The following STX7 variants were observed in gnomAD, a reference collection of about 807,000 sequenced individuals.
STX7 encodes the protein syntaxin 7.
A neutral mutation model predicts 39.6 loss-of-function variants in STX7; 34 were observed. The observed-to-expected ratio is 0.86, with a 90% CI of 0.65 to 1.14. The LOEUF (loss-of-function observed/expected upper bound fraction) is 1.14. Among genes scored for constraint, STX7 ranks in the 50% most tolerant of loss-of-function variants. STX7 has a pLI of 0.00. For missense variants in STX7, 284 were observed against 310.4 expected, an observed-to-expected ratio of 0.92 and a Z score of 0.64; for synonymous variants, 119 against 99.1, an observed-to-expected ratio of 1.20 and a Z score of -1.19.
rs1182363881 is a variant in STX7 at position 132,453,186 on chromosome 6, T to C, written c.*7572A>G. The stretch of plus-strand genomic sequence containing the variant: ...CAAATATCATGTTGGAGTAATTGAA[T>C]ATCCATAGGCAACAACAAAAAAAAT... On this transcript the variant is annotated 3_prime_UTR_variant, in exon 10 of 10. Transcript: ENST00000367941. 6.6e-6 allele frequency: 1 copy of C among 152,094 alleles called. No homozygotes were observed. Among genetic ancestry groups the C allele is most frequent in the Admixed American group, 6.5e-5 (1 of 15,270 alleles). The allele number at this position is 152,094 out of a possible 1,614,324, so 9.4% of individuals were successfully genotyped here.
rs1365969215 is a variant in STX7, at chr6:132,489,198, C to CT, written c.86-13537dup. ...CCTGGGCAACAGAGTGGGACTCTGT[C>CT]TTAAAAAAAAAAAAAAAAAAAAAAA... On this transcript the variant is annotated intron_variant, in intron 2 of 9. Transcript: ENST00000367941. 9.0e-5 allele frequency among the ~76,000 whole-genome samples: 7 copies of CT among 77,894 alleles called. No homozygotes were observed. The South Asian group carries it at 2.6e-3, about 29-fold the overall frequency. The allele number at this position is 77,894 out of a possible 152,430, so 51.1% of individuals were successfully genotyped here. A position where few individuals can be genotyped will look rare whatever the true frequency, so the allele number is the denominator to read the frequency against.
At chr6:132,488,875 T>C (rs956341809) in intron 2 of STX7, among the ~76,000 whole-genome samples, 1 of 152,098 alleles carries the variant, frequency 6.6e-6, no homozygotes, top group African/African-American at 2.4e-5. Context: ...TCAAACCCTC[T>C]AGCTTTGTTA....
chr6:132,509,488 A>C (rs1262985619), intron 1 of STX7, among the ~76,000 whole-genome samples: 2,011 of 118,808 alleles, frequency 0.017, 130 homozygotes, highest in Admixed American at 0.041. Flanking sequence ...ATAACATAAC[A>C]TAACATAACA....
At chr6:132,503,295 A>T (rs780951897) in intron 2 of STX7, 151 bp downstream of exon 2, 66 of 555,894 alleles carry the variant, frequency 1.2e-4, no homozygotes, top group Non-Finnish European at 3.2e-5. Context: ...ATTCTCTTGC[A>T]TTCATTCTAA....
chr6:132,488,271 A>G (rs754475712), intron 2 of STX7, among the ~76,000 whole-genome samples: 15 of 152,162 alleles, frequency 9.9e-5, no homozygotes, highest in Non-Finnish European at 1.9e-4. Flanking sequence ...GAATCTTTTA[A>G]AGTTTGTTGA....
At position 132,454,467 on chromosome 6, in the gene STX7, G is replaced by A. The variant is rs934142372; in HGVS notation, c.*6291C>T. The A allele has an allele frequency of 2.6e-5, 4 of 152,122 alleles. No homozygotes were observed. The highest frequency in any genetic ancestry group is 4.1e-4 in the South Asian group (2 of 4,834). The allele number at this position is 152,122 out of a possible 1,614,324, so 9.4% of individuals were successfully genotyped here. A position where few individuals can be genotyped will look rare whatever the true frequency, so the allele number is the denominator to read the frequency against. ...GTGGGAAACAAAGTGAAAGGTACAC[G>A]AAAGAGGTCTCTGTATTATTTCTTA... On this transcript the variant is annotated 3_prime_UTR_variant, in exon 10 of 10. Transcript: ENST00000367941.
Position 132,467,924 on chromosome 6 carries a change from G to A in STX7, c.610+479C>T, listed in dbSNP as rs141882400. On this transcript the variant is annotated intron_variant, in intron 8 of 9. Transcript: ENST00000367941. ...TCTAAAAAGAATTCCTAACTTCTAT[G>A]TAATACTACTAAATTCATCTACCAA... 5.9e-5 allele frequency among the ~76,000 whole-genome samples: 9 copies of A among 152,234 alleles called. No homozygotes were observed. In the East Asian group the frequency reaches 1.7e-3, roughly 29 times the overall value.
chr6:132,462,175 G>A (rs79404593), intron 9 of STX7, among the ~76,000 whole-genome samples: 562 of 152,322 alleles, frequency 3.7e-3, no homozygotes, highest in Non-Finnish European at 5.8e-3. Context: ...CCCCTAGCGT[G>A]GGGTAATGAG....
At chr6:132,492,209 T>C (rs1775306892) in intron 2 of STX7, among the ~76,000 whole-genome samples, 1 of 152,118 alleles carries the variant, frequency 6.6e-6, no homozygotes, top group Non-Finnish European at 1.5e-5. Flanking sequence ...AAATACTCTT[T>C]CCCTAGATAC....
intron 2 of STX7, among the ~76,000 whole-genome samples, chr6:132,492,631 T>C (rs1471856453): frequency 6.6e-6 from 1 of 152,126 alleles, no homozygotes; most frequent in African/African-American, 2.4e-5. Context: ...CAGACTCTCC[T>C]GGGCTCAAAT....
intron 1 of STX7, among the ~76,000 whole-genome samples, chr6:132,509,367 G>A (rs529359567): frequency 5.7e-4 from 86 of 151,946 alleles, no homozygotes; most frequent in African/African-American, 1.8e-3. Flanking sequence ...CAGGACAATC[G>A]CTTGAACCCA....
chr6:132,499,137 T>A (rs1447023526), intron 2 of STX7, among the ~76,000 whole-genome samples: 2 of 124,220 alleles, frequency 1.6e-5, no homozygotes. Flanking sequence ...TCCATTCCCA[T>A]GCCCTCACTT....
Position 132,446,513 on chromosome 6 carries a change from C to T in STX7, c.*14245G>A, listed in dbSNP as rs1774015291. 6.6e-6 allele frequency: 1 copy of T among 152,100 alleles called. No homozygotes were observed. Among genetic ancestry groups the T allele is most frequent in the South Asian group, 2.1e-4 (1 of 4,828 alleles). The allele number at this position is 152,100 out of a possible 1,614,324, so 9.4% of individuals were successfully genotyped here. On this transcript the variant is annotated 3_prime_UTR_variant, in exon 10 of 10. Coordinates refer to ENST00000367941, the MANE Select transcript of STX7 (RefSeq NM_003569.3). ...CTTTGTTTCTAATTAAGTGTGGAAGCTATCAACTATCGCATTGTCCCCAAT... is the reference window on the plus strand; with the variant it reads ...CTTTGTTTCTAATTAAGTGTGGAAGTTATCAACTATCGCATTGTCCCCAAT...
intron 9 of STX7, chr6:132,461,726 C>A: frequency 8.9e-7 from 1 of 1,126,012 alleles, no homozygotes; most frequent in Non-Finnish European, 1.2e-6. Flanking sequence ...AACAAAACCA[C>A]AGAGCAAACA....
chr6:132,460,843 G>A lies in STX7; in HGVS notation c.701C>T (p.Ser234Phe), dbSNP rs376336706. 7.4e-6 allele frequency: 12 copies of A among 1,612,652 alleles called. No individual in the cohort carries two copies. In the African/African-American group the frequency reaches 1.6e-4, roughly 22 times the overall value. Residue 234 changes from serine (S) to phenylalanine (F), a missense_variant, in exon 10 of 10, where the codon TCC (serine) becomes TTC (phenylalanine). Physicochemically the swap from Ser to Phe is radical, Grantham distance 155. Transcript: ENST00000367941. ...AATGATGATGCACAGGGTTTTTCTG[G>A]ATTTGCGCTGCAGACGCAAAAAACA... ...LSRAADYQRKSRKTLCIIILI... is the reference protein window; with the variant it reads ...LSRAADYQRKFRKTLCIIILI...
chr6:132,463,877 A>T lies in STX7; in HGVS notation c.693+116T>A, dbSNP rs3757298. ...CAGACTTCTCTTCCATGGGATTTTAAATTTTAACATCTTCAGCCATTTTAA... is the reference window on the plus strand; with the variant it reads ...CAGACTTCTCTTCCATGGGATTTTATATTTTAACATCTTCAGCCATTTTAA... On this transcript the variant is annotated intron_variant, in intron 9 of 9. Coordinates refer to ENST00000367941, the MANE Select transcript of STX7 (RefSeq NM_003569.3). The T allele has an allele frequency of 1.7e-5, 16 of 963,392 alleles. 1 individual carries two copies. The South Asian group carries it at 2.1e-4, about 13-fold the overall frequency. The allele number at this position is 963,392 out of a possible 1,614,324, so 59.7% of individuals were successfully genotyped here. A position where few individuals can be genotyped will look rare whatever the true frequency, so the allele number is the denominator to read the frequency against.
chr6:132,478,279 T>G (rs1006711837), intron 2 of STX7, among the ~76,000 whole-genome samples: 8 of 152,094 alleles, frequency 5.3e-5, no homozygotes, highest in African/African-American at 1.9e-4. Context: ...TGCATATCAA[T>G]TTTGCAAAGT....
At chr6:132,467,513 T>A (rs1003664938) in intron 8 of STX7, among the ~76,000 whole-genome samples, 1 of 152,180 alleles carries the variant, frequency 6.6e-6, no homozygotes, top group African/African-American at 2.4e-5. Flanking sequence ...CCTCCCATTA[T>A]AAGATCAATT....
At chr6:132,483,426 A>C (rs1775057736) in intron 2 of STX7, among the ~76,000 whole-genome samples, 2 of 152,198 alleles carry the variant, frequency 1.3e-5, no homozygotes, top group African/African-American at 4.8e-5. Context: ...CACTGCATTA[A>C]GTCTATCTAG....
Sources: gnomAD v4.1 joint callset for allele counts (sites outside exome capture counted in the v4.1 genomes callset) on GRCh38, gnomAD v4.1.1 for gene constraint, MANE v1.5 for transcripts, NCBI Gene and HGNC (gene_info 2026-07-23, HGNC 2026-07-21) for gene names.